USH1C: variants seen among roughly 807,000 people sequenced by gnomAD.
USH1C encodes harmonin.
In USH1C, 90 loss-of-function variants were observed where a neutral mutation model predicts 119.3. That is an observed-to-expected ratio of 0.75 (90% CI 0.64 to 0.90). USH1C has a LOEUF of 0.90. USH1C is among the 40% of genes least tolerant of loss of function. The probability of loss-of-function intolerance (pLI) is 0.00; values close to 1 mark genes in which losing one functional copy is unlikely to be tolerated. For missense variants in USH1C, 1,165 were observed against 1,167.7 expected (o/e 1.00, Z 0.03); for synonymous variants, 465 against 443.3 (o/e 1.05, Z -0.62).
intron 1 of USH1C, among the ~76,000 whole-genome samples, chr11:17,542,738 G>A (rs1199908901): frequency 6.6e-6 from 1 of 152,174 alleles, no homozygotes; most frequent in Admixed American, 6.5e-5. Flanking sequence ...TGGGTTGGGG[G>A]ATGGAAGGCT....
chr11:17,531,234 G>A lies in USH1C; in HGVS notation c.307C>T (p.Arg103Cys), dbSNP rs397517880. The A allele has an allele frequency of 5.3e-4, 856 of 1,614,136 alleles. 7 individuals are homozygous for A. The South Asian group carries it at 7.8e-3, about 15-fold the overall frequency. ...LHPEGLGLSV[R>C]GGLEFGCGLF... ...CCACAGCCAAACTCCAGGCCACCACGCACACTCAGGCCGAGGCCTTCGGGG... is the reference window on the plus strand; with the variant it reads ...CCACAGCCAAACTCCAGGCCACCACACACACTCAGGCCGAGGCCTTCGGGG... The change falls in exon 4 of 27, where the codon CGT (arginine) becomes TGT (cysteine). Residue 103 changes from arginine (R) to cysteine (C), a missense_variant. Transcript: ENST00000005226. This position sits in a 1 kb window ranked among gnomAD's most constrained non-coding sequence, Gnocchi z 4.2.
chr11:17,529,811 T>C (rs1170376513), intron 4 of USH1C, among the ~76,000 whole-genome samples: 1 of 152,160 alleles, frequency 6.6e-6, no homozygotes, highest in Non-Finnish European at 1.5e-5. Context: ...TTCATAAGCC[T>C]GAGAAACAGC....
chr11:17,519,161 C>G (rs1330977447), intron 14 of USH1C, among the ~76,000 whole-genome samples: 1 of 152,178 alleles, frequency 6.6e-6, no homozygotes, highest in Non-Finnish European at 1.5e-5. Context: ...ACCAACTCAG[C>G]CCTGACCATG....
chr11:17,537,843 C>T (rs1414703659), intron 1 of USH1C, among the ~76,000 whole-genome samples: 3 of 152,186 alleles, frequency 2.0e-5, no homozygotes, highest in Non-Finnish European at 4.4e-5. Flanking sequence ...TCCTAACAAC[C>T]CTCTGAGGTG....
At chr11:17,501,461 G>C (rs376293679) in intron 22 of USH1C, 21 bp downstream of exon 22, 2 of 1,610,946 alleles carry the variant, frequency 1.2e-6, no homozygotes, top group Admixed American at 1.7e-5. Context: ...GCGGCCCACC[G>C]GCCTCCACAT....
intron 8 of USH1C, 145 bp from the exon 9 acceptor site, chr11:17,524,680 T>G (rs1050298280): frequency 6.5e-6 from 6 of 920,718 alleles, no homozygotes; most frequent in Non-Finnish European, 1.0e-5. Flanking sequence ...TGATTTCTAC[T>G]GCTACCCTGG....
At chr11:17,517,396 C>A in intron 14 of USH1C, 1 of 1,576,556 alleles carries the variant, frequency 6.3e-7, no homozygotes. Context: ...AGCGGGGACG[C>A]GAACCTGCTC....
At chr11:17,523,144 G>C in intron 11 of USH1C, 67 bp downstream of exon 11, 1 of 1,609,362 alleles carries the variant, frequency 6.2e-7, no homozygotes, top group Non-Finnish European at 8.5e-7. Context: ...GTGTGTGGCA[G>C]AGATCAAAGG....
intron 18 of USH1C, among the ~76,000 whole-genome samples, chr11:17,506,326 T>C (rs2133805787): frequency 6.6e-6 from 1 of 152,320 alleles, no homozygotes; most frequent in East Asian, 1.9e-4. Flanking sequence ...TTCCAGTCCC[T>C]GGACCACAGT....
At chr11:17,538,166 T>A (rs1322377138) in intron 1 of USH1C, among the ~76,000 whole-genome samples, 1 of 152,156 alleles carries the variant, frequency 6.6e-6, no homozygotes, top group Non-Finnish European at 1.5e-5. Context: ...CTGTTGGGGA[T>A]CTCTATTATC....
intron 9 of USH1C, 75 bp from the exon 10 acceptor site, chr11:17,523,553 C>CA (rs1271576226): frequency 1.4e-6 from 2 of 1,461,396 alleles, no homozygotes; most frequent in Admixed American, 3.5e-5. Flanking sequence ...CAGGCTCCCC[C>CA]AGGGGCTCTG....
At chr11:17,528,298 C>T (rs1445474813) in intron 4 of USH1C, among the ~76,000 whole-genome samples, 3 of 152,186 alleles carry the variant, frequency 2.0e-5, no homozygotes, top group East Asian at 1.9e-4. Flanking sequence ...GATACAGAGC[C>T]GTGGTGAGAT....
chr11:17,523,246 T>C lies in USH1C; in HGVS notation c.841A>G (p.Ser281Gly), dbSNP rs112891356. 7 of 1,614,046 alleles carry C rather than the reference T, an allele frequency of 4.3e-6. No homozygotes were observed. The highest frequency in any genetic ancestry group is 5.9e-6 in the Non-Finnish European group (7 of 1,180,028). Residue 281 changes from serine to glycine, a missense_variant, in exon 11 of 27, where the codon AGC becomes GGC. Physicochemically the swap from Ser to Gly is moderately conservative, Grantham distance 56. Coordinates refer to ENST00000005226, the MANE Select transcript of USH1C (RefSeq NM_153676.4). ...HKEAVNVLKS[S>G]RSLTISIVAA... Reference sequence around the variant, plus strand: ...ACAATGGAGATGGTCAGGCTGCGGCTACTCTTCAGCACATTTACAGCCTGT... The same window carrying C: ...ACAATGGAGATGGTCAGGCTGCGGCCACTCTTCAGCACATTTACAGCCTGT...
chr11:17,514,915 A>G (rs1277026574), intron 15 of USH1C, among the ~76,000 whole-genome samples: 1 of 152,130 alleles, frequency 6.6e-6, no homozygotes, highest in African/African-American at 2.4e-5. Flanking sequence ...AGCACTTTCA[A>G]GGACATGATT....
At chr11:17,533,475 C>T in intron 1 of USH1C, 153 bp from the exon 2 acceptor site, 1 of 698,916 alleles carries the variant, frequency 1.4e-6, no homozygotes, top group Non-Finnish European at 2.6e-6. Flanking sequence ...CCAGGCTGCC[C>T]CTCTGACCCC....
chr11:17,539,837 T>TTC (rs1851383441), intron 1 of USH1C, among the ~76,000 whole-genome samples: 1 of 143,186 alleles, frequency 7.0e-6, no homozygotes, highest in African/African-American at 2.7e-5. Context: ...CTTTTTCTTT[T>TTC]TTTTTTTTTT....
chr11:17,527,582 C>T (rs1444932334), intron 4 of USH1C, among the ~76,000 whole-genome samples: 1 of 152,170 alleles, frequency 6.6e-6, no homozygotes, highest in Non-Finnish European at 1.5e-5. Flanking sequence ...GTGAGGGGCA[C>T]AGCGGGTGTG....
chr11:17,514,410 G>C (rs1231781366), intron 15 of USH1C: 1 of 152,174 alleles, frequency 6.6e-6, no homozygotes, highest in Admixed American at 6.5e-5. Flanking sequence ...ATAGAGACAG[G>C]GTTTCACCCT....
chr11:17,517,420 G>A (rs761005701), intron 14 of USH1C: 29 of 1,591,218 alleles, frequency 1.8e-5, no homozygotes, highest in South Asian at 3.4e-5. Flanking sequence ...CTGCTCCTCC[G>A]TGCCTCCATC....
Sources: gnomAD v4.1 joint callset for allele counts (sites outside exome capture counted in the v4.1 genomes callset) on GRCh38, gnomAD v4.1.1 for gene constraint, Gnocchi (gnomAD v3.1) non-coding constraint, MANE v1.5 for transcripts, NCBI Gene and HGNC (gene_info 2026-07-23, HGNC 2026-07-21) for gene names.